EIF5: variants seen among roughly 807,000 people sequenced by gnomAD.
The protein encoded by EIF5 is eukaryotic translation initiation factor 5.
A neutral mutation model predicts 48.3 loss-of-function variants in EIF5; 10 were observed. The ratio of observed to expected loss-of-function variants is 0.21; its 90% CI spans 0.13 to 0.35. The LOEUF is 0.35. EIF5 is among the 10% of genes least tolerant of loss of function. The pLI is 1.00. For missense variants in EIF5, 397 were observed against 533.2 expected (o/e 0.74, Z 2.51); for synonymous variants, 237 against 173.1 (o/e 1.37, Z -2.90).
rs1343729274 is a variant in EIF5 at position 103,339,815 on chromosome 14, A to G, written c.1071+12A>G. On this transcript the variant is annotated intron_variant, in intron 10 of 11. Transcript: ENST00000216554. ...GCTGGTCGGAAAAGGTGGGGAATAC[A>G]TAGGTGGGCTCTTAAAGTTCACAGG... 6 of 1,610,984 alleles carry G rather than the reference A, an allele frequency of 3.7e-6. No individual in the cohort carries two copies. Among genetic ancestry groups the G allele is most frequent in the Admixed American group, 1.7e-5 (1 of 59,430 alleles).
At chr14:103,334,303 CCCCCTCGA>C (rs997867778) in intron 1 of EIF5, 43 bp downstream of exon 1, 2 of 152,236 alleles carry the variant, frequency 1.3e-5, no homozygotes, top group African/African-American at 4.8e-5. Context: ...GTGCTTCCCG[CCCCCTCGA>C]CCCCTCGGGC....
Position 103,336,641 on chromosome 14 carries a change from A to C in EIF5, c.155-36A>C, listed in dbSNP as rs768776561. On this transcript the variant is annotated intron_variant, in intron 4 of 11. Transcript: ENST00000216554. Reference sequence around the variant, plus strand: ...GAGTGAGTAGCCAGAGATCTAGTTAACTGTAACGATCCAAACTCCTTTTTC... The same window carrying C: ...GAGTGAGTAGCCAGAGATCTAGTTACCTGTAACGATCCAAACTCCTTTTTC... The C allele has an allele frequency of 7.6e-6, 12 of 1,569,090 alleles. No individual in the cohort carries two copies. In the South Asian group the frequency reaches 1.4e-4, roughly 19 times the overall value.
At position 103,340,957 on chromosome 14, in the gene EIF5, T is replaced by A. The variant is rs948699799; in HGVS notation, c.1207-6T>A. On this transcript the variant is annotated splice_region_variant and splice_polypyrimidine_tract_variant and intron_variant, in intron 11 of 11. Coordinates refer to ENST00000216554, the MANE Select transcript of EIF5 (RefSeq NM_001969.5). ...TTATGTTGAATAAAATCATTCCTCT[T>A]AACAGGTGGTGTATTCGAAGGCTGC... The A allele has an allele frequency of 2.5e-6, 4 of 1,613,038 alleles. No individual in the cohort carries two copies. The African/African-American group carries it at 4.0e-5, about 16-fold the overall frequency.
chr14:103,335,978 T>C (rs372097970), intron 3 of EIF5, 46 bp downstream of exon 3: 8 of 1,613,932 alleles, frequency 5.0e-6, no homozygotes, highest in African/African-American at 1.3e-5. Flanking sequence ...TTTTGTAGAA[T>C]TTTGAAGTTT....
At position 103,341,993 on chromosome 14, in the gene EIF5, T is replaced by C. The variant is rs1241564041; in HGVS notation, c.*941T>C. On this transcript the variant is annotated 3_prime_UTR_variant, in exon 12 of 12. Transcript: ENST00000216554. ...ATGTTAGACATACTGTATTTTTTCG[T>C]TCAGTGTGGCTTTAATTTTCCCCTC... 1 of 152,654 alleles carries C rather than the reference T, an allele frequency of 6.6e-6. No individual in the cohort carries two copies. Among genetic ancestry groups the C allele is most frequent in the Non-Finnish European group, 1.5e-5 (1 of 68,046 alleles). The allele number at this position is 152,654 out of a possible 1,614,324, so 9.5% of individuals were successfully genotyped here. A position where few individuals can be genotyped will look rare whatever the true frequency, so the allele number is the denominator to read the frequency against.
Position 103,344,561 on chromosome 14 carries a change from G to C in EIF5, c.*3509G>C, listed in dbSNP as rs141173789. 473 of 152,336 alleles carry C rather than the reference G, an allele frequency of 3.1e-3. 1 individual carries two copies. Among genetic ancestry groups the C allele is most frequent in the African/African-American group, 0.011 (438 of 41,550 alleles). 9.4% of individuals were successfully genotyped at this position (152,336 alleles called of 1,614,324 possible). ...GGGGATTGCCTTTCCATATCTGCTGGGGGTGGAGACCCTTATGTGCAGCAC... is the reference window on the plus strand; with the variant it reads ...GGGGATTGCCTTTCCATATCTGCTGCGGGTGGAGACCCTTATGTGCAGCAC... On this transcript the variant is annotated 3_prime_UTR_variant, in exon 12 of 12. Coordinates refer to ENST00000216554, the MANE Select transcript of EIF5 (RefSeq NM_001969.5).
intron 10 of EIF5, 34 bp from the exon 11 acceptor site, chr14:103,340,393 C>A (rs776453427): frequency 8.9e-6 from 14 of 1,579,348 alleles, no homozygotes; most frequent in Admixed American, 1.7e-5. Flanking sequence ...TGTTAAAATT[C>A]CTCAACTAAG....
chr14:103,341,339 G>T lies in EIF5; in HGVS notation c.*287G>T, dbSNP rs565754575. ...CATTTATACAGTTATAAAAATAAAG[G>T]TTTGATTTTGGTCGTTCTTCAGATG... On this transcript the variant is annotated 3_prime_UTR_variant, in exon 12 of 12. Coordinates refer to ENST00000216554, the MANE Select transcript of EIF5 (RefSeq NM_001969.5). 22 of 238,868 alleles carry T rather than the reference G, an allele frequency of 9.2e-5. No homozygotes were observed. Among genetic ancestry groups the T allele is most frequent in the African/African-American group, 4.9e-4 (22 of 44,630 alleles). 14.8% of individuals were successfully genotyped at this position (238,868 alleles called of 1,614,324 possible).
chr14:103,335,176 C>T (rs1024685219), intron 2 of EIF5: 1 of 152,386 alleles, frequency 6.6e-6, no homozygotes, highest in East Asian at 1.9e-4. Context: ...TAAGGAAGTG[C>T]TGCTTTGAAG....
chr14:103,336,414 C>T (rs570270697), intron 4 of EIF5: 2 of 556,104 alleles, frequency 3.6e-6, no homozygotes, highest in Admixed American at 3.4e-5. Flanking sequence ...AATCCTGAGT[C>T]TACTACTAAT....
chr14:103,337,396 G>A (rs759081394), intron 6 of EIF5, 169 bp downstream of exon 6: 24 of 587,362 alleles, frequency 4.1e-5, no homozygotes, highest in Non-Finnish European at 6.8e-5. Context: ...CTTGAGGCCA[G>A]GAGTTCAAGA....
At position 103,341,409 on chromosome 14, in the gene EIF5, T is replaced by C. The variant is rs1331182562; in HGVS notation, c.*357T>C. 5.5e-6 allele frequency: 1 copy of C among 181,394 alleles called. No individual in the cohort carries two copies. Among genetic ancestry groups the C allele is most frequent in the African/African-American group, 2.4e-5 (1 of 42,482 alleles). The allele number at this position is 181,394 out of a possible 1,614,324, so 11.2% of individuals were successfully genotyped here. A position where few individuals can be genotyped will look rare whatever the true frequency, so the allele number is the denominator to read the frequency against. Reference sequence around the variant, plus strand: ...AGCTGAAGTAACTGGCTCCTTACTTTAAATGTTCTGCCATCATTTCACCTG... The same window carrying C: ...AGCTGAAGTAACTGGCTCCTTACTTCAAATGTTCTGCCATCATTTCACCTG... On this transcript the variant is annotated 3_prime_UTR_variant, in exon 12 of 12. Coordinates refer to ENST00000216554, the MANE Select transcript of EIF5 (RefSeq NM_001969.5).
At chr14:103,337,484 C>T in intron 6 of EIF5, 1 of 454,342 alleles carries the variant, frequency 2.2e-6, no homozygotes, top group South Asian at 3.0e-5. Flanking sequence ...CTCCTGTAAT[C>T]CCAGCTACTC....
intron 5 of EIF5, 81 bp from the exon 6 acceptor site, chr14:103,337,035 G>A (rs1007578414): frequency 7.2e-7 from 1 of 1,390,384 alleles, no homozygotes; most frequent in Non-Finnish European, 9.8e-7. Flanking sequence ...CTTTGCATGT[G>A]AAGCTGTCTG....
chr14:103,338,772 C>T lies in EIF5; in HGVS notation c.623C>T (p.Thr208Ile). 1 of 1,614,122 alleles carries T rather than the reference C, an allele frequency of 6.2e-7. No homozygotes were observed. The highest frequency in any genetic ancestry group is 8.5e-7 in the Non-Finnish European group (1 of 1,180,018). Residue 208 changes from threonine (T) to isoleucine (I), a missense_variant, in exon 8 of 12, where the codon ACT (threonine) becomes ATT (isoleucine). Thr to Ile is a moderately conservative substitution (Grantham distance 89). This residue lies in a region of EIF5 where 126 missense variants were observed against 141.9 expected (regional missense o/e 0.89). Coordinates refer to ENST00000216554, the MANE Select transcript of EIF5 (RefSeq NM_001969.5). ...EEDDDWGEDTTEEAQRRRMDE... is the reference protein window; with the variant it reads ...EEDDDWGEDTIEEAQRRRMDE... ...GATGATGACTGGGGAGAAGATACAACTGAGGAAGCTCAAAGGCGTCGAATG... is the reference window on the plus strand; with the variant it reads ...GATGATGACTGGGGAGAAGATACAATTGAGGAAGCTCAAAGGCGTCGAATG...
At chr14:103,337,966 T>C (rs762186210) in intron 6 of EIF5, 2 of 538,210 alleles carry the variant, frequency 3.7e-6, no homozygotes, top group African/African-American at 3.8e-5. Context: ...TTATATAGAC[T>C]TAAACAGTGT....
At chr14:103,336,562 CAG>C (rs1197372848) in intron 4 of EIF5, 113 bp from the exon 5 acceptor site, 3 of 1,145,254 alleles carry the variant, frequency 2.6e-6, no homozygotes, top group Non-Finnish European at 3.6e-6. Context: ...GCCTGGGTGA[CAG>C]AGTGAGACTC....
In EIF5 at chr14:103,334,494, T is replaced by TCGCCTC. The variant is rs1200016290; in HGVS notation, c.-304_-299dup. 3 of 145,678 alleles carry TCGCCTC rather than the reference T, an allele frequency of 2.1e-5. No individual in the cohort carries two copies. Among genetic ancestry groups the TCGCCTC allele is most frequent in the African/African-American group, 5.1e-5 (2 of 39,406 alleles). 9.0% of individuals were successfully genotyped at this position (145,678 alleles called of 1,614,324 possible). Reference sequence around the variant, plus strand: ...TGGCCCGGCCGCTCCTCGCTGCGCTTCGCCTCCGCCTCCTCGGACTCGGAC... The same window carrying TCGCCTC: ...TGGCCCGGCCGCTCCTCGCTGCGCTTCGCCTCCGCCTCCGCCTCCTCGGACTCGGAC... On this transcript the variant is annotated 5_prime_UTR_variant, in exon 2 of 12. Coordinates refer to ENST00000216554, the MANE Select transcript of EIF5 (RefSeq NM_001969.5).
At chr14:103,337,070 T>A (rs2089295378) in intron 5 of EIF5, 46 bp from the exon 6 acceptor site, 1 of 1,548,948 alleles carries the variant, frequency 6.5e-7, no homozygotes, top group African/African-American at 1.4e-5. Flanking sequence ...TCTGATTAGA[T>A]ATTTTCATGT....
Sources: allele counts gnomAD v4.1 joint callset, GRCh38; gene constraint gnomAD v4.1.1; regional missense constraint gnomAD v4.1.1; transcripts MANE v1.5; gene names NCBI Gene and HGNC (gene_info 2026-07-23, HGNC 2026-07-21).